FMO1: variants seen among roughly 807,000 people sequenced by gnomAD.
FMO1 encodes the protein flavin-containing monooxygenase 1.
In FMO1, 36 loss-of-function variants were observed where a neutral mutation model predicts 45.4. The observed-to-expected ratio is 0.79, with a 90% CI of 0.61 to 1.05. The LOEUF is 1.05. Among genes scored for constraint, FMO1 ranks in the 50% least tolerant of loss-of-function variants. The probability of loss-of-function intolerance (pLI) is 0.00; values close to 1 mark genes in which losing one functional copy is unlikely to be tolerated. For missense variants in FMO1, 615 were observed against 640.3 expected, an observed-to-expected ratio of 0.96 and a Z score of 0.43; for synonymous variants, 228 against 227.2, an observed-to-expected ratio of 1.00 and a Z score of -0.03.
At chr1:171,255,343 GGTGCTTA>G (rs1250486272) in intron 1 of FMO1, among the ~76,000 whole-genome samples, 1 of 152,176 alleles carries the variant, frequency 6.6e-6, no homozygotes, top group Non-Finnish European at 1.5e-5. Context: ...TACTGAGTCA[GGTGCTTA>G]GATTAAGAGA....
At chr1:171,272,853 T>C (rs2101826292) in intron 3 of FMO1, among the ~76,000 whole-genome samples, 1 of 152,324 alleles carries the variant, frequency 6.6e-6, no homozygotes, top group Middle Eastern at 3.4e-3. Context: ...CAGTTGAGAC[T>C]TTGGACTGTG....
intron 3 of FMO1, 53 bp from the exon 4 acceptor site, chr1:171,275,293 G>A: frequency 1.6e-5 from 23 of 1,443,858 alleles, no homozygotes; most frequent in Non-Finnish European, 1.9e-5. Flanking sequence ...CAACTGGCAA[G>A]TGCTTAATGG....
chr1:171,285,578 T>G lies in FMO1; in HGVS notation c.*34T>G, dbSNP rs772882551. ...TCTCCTAAATGGAAGATGCACAGAG[T>G]AGATTTACAATGCTCCAATTCCTCT... On this transcript the variant is annotated 3_prime_UTR_variant, in exon 9 of 9. Coordinates refer to ENST00000617670, the MANE Select transcript of FMO1 (RefSeq NM_001282693.2). 1 of 1,263,602 alleles carries G rather than the reference T, an allele frequency of 7.9e-7. No individual in the cohort carries two copies. The highest frequency in any genetic ancestry group is 2.4e-5 in the Admixed American group (1 of 41,670). 78.3% of individuals were successfully genotyped at this position (1,263,602 alleles called of 1,614,324 possible). A position where few individuals can be genotyped will look rare whatever the true frequency, so the allele number is the denominator to read the frequency against.
intron 1 of FMO1, among the ~76,000 whole-genome samples, chr1:171,253,607 C>T (rs1259230395): frequency 2.6e-5 from 4 of 152,000 alleles, no homozygotes; most frequent in Non-Finnish European, 2.9e-5. Flanking sequence ...ACTAAAAATA[C>T]AAAAGTAGCC....
At chr1:171,280,478 C>A (rs1336212202) in intron 5 of FMO1, among the ~76,000 whole-genome samples, 1 of 152,184 alleles carries the variant, frequency 6.6e-6, no homozygotes, top group East Asian at 1.9e-4. Context: ...CACCAAGTAG[C>A]AATCACCTGT....
chr1:171,277,451 TTAGA>T (rs922469689), intron 4 of FMO1, among the ~76,000 whole-genome samples: 31 of 152,156 alleles, frequency 2.0e-4, no homozygotes, highest in African/African-American at 6.8e-4. Flanking sequence ...AATTTTTTTC[TTAGA>T]TAGGACATTC....
At chr1:171,284,439 C>T (rs998432423) in intron 8 of FMO1, among the ~76,000 whole-genome samples, 2 of 151,940 alleles carry the variant, frequency 1.3e-5, no homozygotes, top group Non-Finnish European at 2.9e-5. Flanking sequence ...TCACGCATGT[C>T]AGCAAACAAT....
In FMO1 at chr1:171,285,384, A is replaced by C. The variant is rs1326320117; in HGVS notation, c.1439A>C (p.Lys480Thr). The change falls in exon 9 of 9, where the codon AAA becomes ACA. Residue 480 changes from lysine to threonine, a missense_variant. Physicochemically the swap from Lys to Thr is moderately conservative, Grantham distance 78. Coordinates refer to ENST00000617670, the MANE Select transcript of FMO1 (RefSeq NM_001282693.2). ...CAGTTCCGCTTGACTGGCCCAGGAA[A>C]ATGGGAAGGAGCCAGAAATGCCATC... ...PYQFRLTGPG[K>T]WEGARNAIMT... 6.2e-7 allele frequency: 1 copy of C among 1,613,514 alleles called. No individual in the cohort carries two copies. Among genetic ancestry groups the C allele is most frequent in the Non-Finnish European group, 8.5e-7 (1 of 1,179,888 alleles).
At position 171,280,843 on chromosome 1, in the gene FMO1, T is replaced by C; in HGVS notation, c.685T>C (p.Tyr229His). 1 of 1,613,886 alleles carries C rather than the reference T, an allele frequency of 6.2e-7. No individual in the cohort carries two copies. Among genetic ancestry groups the C allele is most frequent in the South Asian group, 1.1e-5 (1 of 91,082 alleles). The change falls in exon 6 of 9, where the codon TAC becomes CAC. Residue 229 changes from tyrosine to histidine, a missense_variant. Physicochemically the swap from Tyr to His is moderately conservative, Grantham distance 83 (BLOSUM62 2). Transcript: ENST00000617670. ...GATCAGCCGAATCTTTGACTCGGGC[T>C]ACCCATGGGACATGGTGTTCATGAC... Reference protein sequence around the residue: ...WVISRIFDSGYPWDMVFMTRF... With the variant: ...WVISRIFDSGHPWDMVFMTRF...
intron 6 of FMO1, among the ~76,000 whole-genome samples, chr1:171,281,444 C>T (rs917461823): frequency 4.6e-5 from 7 of 152,158 alleles, no homozygotes; most frequent in African/African-American, 1.2e-4. Flanking sequence ...GCCTTCTTCC[C>T]GTTGTCAAGA....
At chr1:171,269,691 T>G (rs1660768852) in intron 3 of FMO1, among the ~76,000 whole-genome samples, 1 of 152,138 alleles carries the variant, frequency 6.6e-6, no homozygotes, top group African/African-American at 2.4e-5. Context: ...TTCCCTAAAC[T>G]GCTAAGCAGA....
In FMO1 at chr1:171,285,921, T is replaced by G. The variant is rs538178597; in HGVS notation, c.*377T>G. 2.1e-4 allele frequency: 35 copies of G among 164,412 alleles called. No homozygotes were observed. Among genetic ancestry groups the G allele is most frequent in the South Asian group, 1.2e-3 (6 of 4,940 alleles). 10.2% of individuals were successfully genotyped at this position (164,412 alleles called of 1,614,324 possible). A position where few individuals can be genotyped will look rare whatever the true frequency, so the allele number is the denominator to read the frequency against. ...TTGTGTTGTGCTGAAATGGTGCTCT[T>G]ATAGTACTGGCTTATTAAAAGTAAA... On this transcript the variant is annotated 3_prime_UTR_variant, in exon 9 of 9. Coordinates refer to ENST00000617670, the MANE Select transcript of FMO1 (RefSeq NM_001282693.2).
In FMO1 at chr1:171,281,114, T is replaced by C. The variant is rs60670666; in HGVS notation, c.827+129T>C. Reference sequence around the variant, plus strand: ...TGGGAACACTTGATACAAATTTGCTTGATAATAACAGCTAACTGTTCTTAA... The same window carrying C: ...TGGGAACACTTGATACAAATTTGCTCGATAATAACAGCTAACTGTTCTTAA... On this transcript the variant is annotated intron_variant, in intron 6 of 8. Coordinates refer to ENST00000617670, the MANE Select transcript of FMO1 (RefSeq NM_001282693.2). 1,151 of 711,388 alleles carry C rather than the reference T, an allele frequency of 1.6e-3. 12 individuals carry two copies. In the East Asian group the frequency reaches 0.028, roughly 17 times the overall value. 44.1% of individuals were successfully genotyped at this position (711,388 alleles called of 1,614,324 possible).
intron 1 of FMO1, among the ~76,000 whole-genome samples, chr1:171,251,097 G>T (rs4631734): frequency 0.11 from 16,616 of 152,156 alleles, 1,143 homozygotes; most frequent in East Asian, 0.25. Flanking sequence ...TACCTAGTTT[G>T]TTTACTCATG....
At chr1:171,282,997 T>A (rs1049078309) in intron 7 of FMO1, 147 bp from the exon 8 acceptor site, 1 of 599,192 alleles carries the variant, frequency 1.7e-6, no homozygotes. Context: ...ACCAGTCAGC[T>A]CAGGCTGCTA....
intron 3 of FMO1, among the ~76,000 whole-genome samples, chr1:171,270,308 G>T (rs1287116309): frequency 2.0e-5 from 3 of 152,158 alleles, no homozygotes; most frequent in African/African-American, 4.8e-5. Flanking sequence ...TTCAGTTATG[G>T]ATGAAAACTA....
chr1:171,269,628 T>C (rs1159234642), intron 3 of FMO1, among the ~76,000 whole-genome samples: 4 of 152,206 alleles, frequency 2.6e-5, no homozygotes, highest in African/African-American at 2.4e-5. Context: ...TATTTTAAAA[T>C]ACTGGCATCT....
chr1:171,277,310 G>A (rs1294439934), intron 4 of FMO1, among the ~76,000 whole-genome samples: 1 of 152,106 alleles, frequency 6.6e-6, no homozygotes, highest in African/African-American at 2.4e-5. Flanking sequence ...TCCAGAGAAG[G>A]TGCACTAAAA....
intron 2 of FMO1, among the ~76,000 whole-genome samples, chr1:171,260,487 G>A (rs1200427642): frequency 1.3e-5 from 2 of 152,080 alleles, no homozygotes; most frequent in Non-Finnish European, 2.9e-5. Context: ...GGAGGGGAAG[G>A]GAAGGTGAAC....
Sources: gnomAD v4.1 joint callset for allele counts (sites outside exome capture counted in the v4.1 genomes callset) on GRCh38, gnomAD v4.1.1 for gene constraint, MANE v1.5 for transcripts, NCBI Gene and HGNC (gene_info 2026-07-23, HGNC 2026-07-21) for gene names.